Variants in MAPK10 observed in about 807,000 individuals in gnomAD.
MAPK10 encodes mitogen-activated protein kinase 10.
Under a neutral mutation model 59.3 loss-of-function variants are expected in MAPK10, and 25 were observed. The observed-to-expected ratio is 0.42, with a 90% CI of 0.31 to 0.59. The LOEUF (loss-of-function observed/expected upper bound fraction) is 0.59, where lower values mean the gene tolerates loss of function less well. MAPK10 is among the 20% of genes least tolerant of loss of function. MAPK10 has a pLI of 0.15. For missense variants in MAPK10, 351 were observed against 568.9 expected (o/e 0.62, Z 3.90); for synonymous variants, 190 against 200.5 (o/e 0.95, Z 0.44).
intron 2 of MAPK10, among the ~76,000 whole-genome samples, chr4:86,246,388 G>A (rs111601499): frequency 6.4e-4 from 97 of 152,228 alleles, no homozygotes; most frequent in African/African-American, 2.1e-3. Flanking sequence ...CCAAGATTGC[G>A]CCACTGCACT....
At chr4:86,174,261 C>A (rs989918256) in intron 3 of MAPK10, among the ~76,000 whole-genome samples, 1 of 152,176 alleles carries the variant, frequency 6.6e-6, no homozygotes, top group Admixed American at 6.5e-5. Context: ...AAATGTGGCA[C>A]ATATACACCG....
At chr4:86,472,087 T>C (rs1028610586) in intron 1 of MAPK10, among the ~76,000 whole-genome samples, 9 of 152,190 alleles carry the variant, frequency 5.9e-5, no homozygotes, top group African/African-American at 1.4e-4. Flanking sequence ...AATTCTAATA[T>C]TATTTCAGCT....
At chr4:86,140,681 A>G (rs1266336067) in intron 4 of MAPK10, among the ~76,000 whole-genome samples, 1 of 151,494 alleles carries the variant, frequency 6.6e-6, no homozygotes, top group African/African-American at 2.4e-5. Flanking sequence ...CTTAAAGTAT[A>G]ATAATAAAAA....
At chr4:86,037,603 G>A (rs1007571299) in intron 11 of MAPK10, among the ~76,000 whole-genome samples, 2 of 151,942 alleles carry the variant, frequency 1.3e-5, no homozygotes, top group African/African-American at 2.4e-5. Context: ...TAAAATGTGT[G>A]AATTTATTTT....
upstream of MAPK10, among the ~76,000 whole-genome samples, chr4:86,454,040 G>A (rs1751013093): frequency 6.6e-6 from 1 of 152,142 alleles, no homozygotes. Context: ...CGGCTTTCAG[G>A]AAGCCACATC....
At chr4:86,037,819 G>T (rs1477021410) in intron 11 of MAPK10, among the ~76,000 whole-genome samples, 1 of 152,106 alleles carries the variant, frequency 6.6e-6, no homozygotes, top group Non-Finnish European at 1.5e-5. Context: ...TACATTTATG[G>T]TCTCTTATGG....
chr4:86,308,104 G>A (rs532684162), intron 2 of MAPK10, among the ~76,000 whole-genome samples: 6 of 152,166 alleles, frequency 3.9e-5, no homozygotes, highest in Non-Finnish European at 7.4e-5. Context: ...GATATCATTC[G>A]TACTAAAAGG....
Position 86,029,264 on chromosome 4 carries a change from G to A in MAPK10, c.1185C>T (p.Tyr395=), listed in dbSNP as rs1752005954. The A allele has an allele frequency of 1.9e-6, 3 of 1,604,428 alleles. No individual in the cohort carries two copies. Among genetic ancestry groups the A allele is most frequent in the Non-Finnish European group, 2.6e-6 (3 of 1,172,004 alleles). The change falls in exon 13 of 14, where the codon TAC becomes TAT. Residue 395 remains tyrosine (Y), a synonymous_variant. Transcript: ENST00000641462. ...TTTCTTCTGAATTCATTACTTCCTTGTAGATAAGTTCTGTAAGAAACAGCT... is the reference window on the plus strand; with the variant it reads ...TTTCTTCTGAATTCATTACTTCCTTATAGATAAGTTCTGTAAGAAACAGCT... ...HTIEEWKELI[Y]KEVMNSEEKT...
At chr4:86,327,603 C>T (rs980083808) in intron 2 of MAPK10, 1 of 151,408 alleles carries the variant, frequency 6.6e-6, no homozygotes, top group African/African-American at 2.4e-5. Context: ...CAATATCCTA[C>T]ATAATGCTTA....
At chr4:86,532,038 T>C (rs1462547168) in intron 1 of MAPK10, among the ~76,000 whole-genome samples, 1 of 148,012 alleles carries the variant, frequency 6.8e-6, no homozygotes, top group African/African-American at 2.5e-5. Flanking sequence ...TTTTTTTAAT[T>C]ACATATATAT....
intron 3 of MAPK10, among the ~76,000 whole-genome samples, chr4:86,177,652 G>A (rs565954621): frequency 6.6e-6 from 1 of 151,726 alleles, no homozygotes; most frequent in East Asian, 1.9e-4. Flanking sequence ...AAATGAAATC[G>A]CTCCATGGAC....
intron 1 of MAPK10, among the ~76,000 whole-genome samples, chr4:86,592,114 T>C (rs1254712177): frequency 6.6e-6 from 1 of 152,140 alleles, no homozygotes; most frequent in Admixed American, 6.5e-5. Context: ...TATTGAACTA[T>C]TGCCATAACT....
intron 2 of MAPK10, among the ~76,000 whole-genome samples, chr4:86,265,423 C>A (rs758482360): frequency 6.6e-6 from 1 of 151,412 alleles, no homozygotes; most frequent in Non-Finnish European, 1.5e-5. Flanking sequence ...GCAGGAAAAT[C>A]GCTTAAACCT....
intron 1 of MAPK10, among the ~76,000 whole-genome samples, chr4:86,538,268 T>C (rs1758404286): frequency 1.3e-5 from 2 of 151,428 alleles, no homozygotes; most frequent in South Asian, 4.2e-4. Flanking sequence ...TGCCTCAGCC[T>C]CTCGAGTAGC....
chr4:86,335,490 T>A (rs534672186), intron 2 of MAPK10, among the ~76,000 whole-genome samples: 42 of 152,328 alleles, frequency 2.8e-4, no homozygotes, highest in African/African-American at 9.4e-4. Context: ...TACGGTTTTT[T>A]AAATATTTTT....
At chr4:86,362,262 G>A (rs1737128271), upstream of MAPK10, among the ~76,000 whole-genome samples, 1 of 151,976 alleles carries the variant, frequency 6.6e-6, no homozygotes, top group South Asian at 2.1e-4. Flanking sequence ...ACCTTACATT[G>A]TGAACACAAA....
At chr4:86,348,428 T>A (rs914299055) in intron 2 of MAPK10, among the ~76,000 whole-genome samples, 5 of 152,190 alleles carry the variant, frequency 3.3e-5, no homozygotes, top group Non-Finnish European at 7.3e-5. Flanking sequence ...ACTCTATAAA[T>A]GTTAGCCACT....
intron 1 of MAPK10, among the ~76,000 whole-genome samples, chr4:86,365,770 C>T (rs543671507): frequency 6.6e-6 from 1 of 152,092 alleles, no homozygotes; most frequent in Non-Finnish European, 1.5e-5. Flanking sequence ...GCTTCAAACT[C>T]TTTTTCAAAG....
chr4:86,177,419 C>A (rs986384100), intron 3 of MAPK10, among the ~76,000 whole-genome samples: 4 of 152,040 alleles, frequency 2.6e-5, no homozygotes, highest in Non-Finnish European at 5.9e-5. Context: ...TTTATTCCAA[C>A]TAGGATGGCC....
Sources: allele counts gnomAD v4.1 joint callset (sites outside exome capture counted in the v4.1 genomes callset), GRCh38; gene constraint gnomAD v4.1.1; transcripts MANE v1.5; gene names NCBI Gene and HGNC (gene_info 2026-07-23, HGNC 2026-07-21).